Variants in KCNK2 observed in about 807,000 individuals in gnomAD.
KCNK2 encodes potassium two pore domain channel subfamily K member 2, also known as potassium channel subfamily K member 2.
A neutral mutation model predicts 40.5 loss-of-function variants in KCNK2; 21 were observed. That is an observed-to-expected ratio of 0.52 (90% CI 0.37 to 0.75). KCNK2 has a LOEUF of 0.75. Among genes scored for constraint, KCNK2 ranks in the 30% least tolerant of loss-of-function variants. The pLI is 0.00. For synonymous variants in KCNK2, 191 were observed against 202.2 expected, an observed-to-expected ratio of 0.94 and a Z score of 0.47; for missense variants, 399 against 531.6, an observed-to-expected ratio of 0.75 and a Z score of 2.45.
At chr1:215,145,479 T>C (rs1013364552) in intron 3 of KCNK2, among the ~76,000 whole-genome samples, 6 of 152,132 alleles carry the variant, frequency 3.9e-5, no homozygotes, top group African/African-American at 1.4e-4. Flanking sequence ...TGAGAAAAAT[T>C]ACTGTGAATC....
intron 2 of KCNK2, among the ~76,000 whole-genome samples, chr1:215,092,347 T>C (rs907325249): frequency 6.6e-6 from 1 of 152,126 alleles, no homozygotes; most frequent in African/African-American, 2.4e-5. Flanking sequence ...GTTTTGGGCA[T>C]AATGTCAGGA....
At chr1:215,113,571 G>A (rs183106352) in intron 2 of KCNK2, among the ~76,000 whole-genome samples, 13 of 152,104 alleles carry the variant, frequency 8.5e-5, no homozygotes, top group African/African-American at 3.1e-4. Flanking sequence ...AAGAGAAGTA[G>A]CTGTCTAGAG....
Position 215,054,092 on chromosome 1 carries a change from G to T in KCNK2, c.35-32276G>T, listed in dbSNP as rs572760776. ...ATAAATGATAGCACAGACAGCATAA[G>T]ATACAAGTCTGTAATTTTTGAGCTG... On this transcript the variant is annotated intron_variant, in intron 1 of 6. Coordinates refer to the KCNK2 transcript ENST00000391895. Among the ~76,000 whole-genome samples the T allele has an allele frequency of 2.6e-5, 4 of 152,354 alleles. No homozygotes were observed. In the East Asian group the frequency reaches 7.7e-4, roughly 29 times the overall value.
Position 215,116,892 on chromosome 1 carries a change from C to T in KCNK2, c.358-7741C>T, listed in dbSNP as rs141043297. 2.2e-3 allele frequency among the ~76,000 whole-genome samples: 329 copies of T among 151,898 alleles called. 1 individual carries two copies. The highest frequency in any genetic ancestry group is 7.4e-3 in the African/African-American group (306 of 41,468). On this transcript the variant is annotated intron_variant, in intron 2 of 6. Coordinates refer to ENST00000444842, the MANE Select transcript of KCNK2 (RefSeq NM_001017425.3). ...GAACCTTGAAAATATGCTTATCAGT[C>T]TCTAAGTGTAGTATGATTTAAACAC...
chr1:215,072,175 G>A (rs574192050), intron 1 of KCNK2, among the ~76,000 whole-genome samples: 2 of 152,152 alleles, frequency 1.3e-5, no homozygotes, highest in Non-Finnish European at 1.5e-5. Context: ...TTTTATTGTC[G>A]GTGTGATCTC....
intron 4 of KCNK2, among the ~76,000 whole-genome samples, chr1:215,170,725 T>C (rs1463668063): frequency 6.6e-6 from 1 of 152,184 alleles, no homozygotes; most frequent in Non-Finnish European, 1.5e-5. Context: ...TTTTGTATTA[T>C]ACTTTTATTT....
chr1:215,191,736 A>T (rs1435614519), intron 5 of KCNK2, among the ~76,000 whole-genome samples: 5 of 152,194 alleles, frequency 3.3e-5, no homozygotes, highest in Non-Finnish European at 5.9e-5. Flanking sequence ...TCCTATTATG[A>T]TTAGCCAGAA....
At chr1:215,037,249 G>T (rs1298855862) in intron 1 of KCNK2, among the ~76,000 whole-genome samples, 2 of 151,578 alleles carry the variant, frequency 1.3e-5, no homozygotes, top group African/African-American at 4.8e-5. Context: ...AAGAATGATT[G>T]GTGAAATGAT....
intron 6 of KCNK2, among the ~76,000 whole-genome samples, chr1:215,207,516 G>A (rs1019219524): frequency 6.6e-6 from 1 of 152,220 alleles, no homozygotes; most frequent in African/African-American, 2.4e-5. Context: ...TTAGTCTGAA[G>A]CACATGCATT....
chr1:215,088,547 G>A (rs985850365), intron 2 of KCNK2, among the ~76,000 whole-genome samples: 15 of 150,636 alleles, frequency 1.0e-4, no homozygotes, highest in African/African-American at 3.4e-4. Context: ...TTATCACCTG[G>A]AGTGAGATGC....
chr1:215,021,791 G>T (rs986346520), intron 1 of KCNK2, among the ~76,000 whole-genome samples: 1 of 151,884 alleles, frequency 6.6e-6, no homozygotes, highest in African/African-American at 2.4e-5. Flanking sequence ...CTCGTCATCC[G>T]CCCGCCTCGG....
chr1:215,182,132 T>G (rs1256072823), intron 5 of KCNK2, among the ~76,000 whole-genome samples: 1 of 151,954 alleles, frequency 6.6e-6, no homozygotes, highest in Non-Finnish European at 1.5e-5. Flanking sequence ...CAAGATCTCT[T>G]CAAAGGAGGG....
At chr1:215,127,828 A>G (rs1020075396) in intron 3 of KCNK2, among the ~76,000 whole-genome samples, 2 of 152,240 alleles carry the variant, frequency 1.3e-5, no homozygotes, top group Non-Finnish European at 1.5e-5. Context: ...TATGGTCTGA[A>G]CTATGACTTA....
intron 1 of KCNK2, among the ~76,000 whole-genome samples, chr1:215,074,250 A>G (rs547047105): frequency 2.0e-5 from 3 of 152,330 alleles, no homozygotes; most frequent in Admixed American, 6.5e-5. Context: ...CATAAACTTA[A>G]CAAGTGGTCT....
chr1:215,089,984 G>A (rs1248053690), intron 2 of KCNK2, among the ~76,000 whole-genome samples: 3 of 151,726 alleles, frequency 2.0e-5, no homozygotes, highest in Non-Finnish European at 2.9e-5. Context: ...GTGCCACCAC[G>A]GCCAGCTAAT....
chr1:215,224,140 C>T (rs543392443), intron 6 of KCNK2, among the ~76,000 whole-genome samples: 2 of 152,164 alleles, frequency 1.3e-5, no homozygotes, highest in East Asian at 1.9e-4. Flanking sequence ...TTATGGAAAA[C>T]AGGACTCATG....
intron 2 of KCNK2, among the ~76,000 whole-genome samples, chr1:215,088,123 C>T (rs79287513): frequency 0.023 from 3,493 of 152,076 alleles, 68 homozygotes; most frequent in Non-Finnish European, 0.032. Flanking sequence ...CATGTAAGAT[C>T]ACTTTCACTT....
intron 2 of KCNK2, among the ~76,000 whole-genome samples, chr1:215,088,040 T>C (rs958004627): frequency 4.6e-5 from 7 of 152,256 alleles, no homozygotes; most frequent in Non-Finnish European, 8.8e-5. Flanking sequence ...TTTTAGATGA[T>C]GGTGACCTTT....
chr1:215,183,927 G>A (rs955855816), intron 5 of KCNK2, among the ~76,000 whole-genome samples: 2 of 152,122 alleles, frequency 1.3e-5, no homozygotes, highest in African/African-American at 4.8e-5. Context: ...TGTTAATTAA[G>A]GTTCAACCAG....
Sources: gnomAD v4.1 joint callset for allele counts (sites outside exome capture counted in the v4.1 genomes callset) on GRCh38, gnomAD v4.1.1 for gene constraint, MANE v1.5 for transcripts, NCBI Gene and HGNC (gene_info 2026-07-23, HGNC 2026-07-21) for gene names.